The following ZNF512B variants were observed in gnomAD, a reference collection of about 807,000 sequenced individuals.
The protein encoded by ZNF512B is zinc finger protein 512B.
ZNF512B carries 22 observed loss-of-function variants against 87.8 expected under a neutral mutation model. The observed-to-expected ratio is 0.25, with a 90% CI of 0.18 to 0.36. The LOEUF (loss-of-function observed/expected upper bound fraction) is 0.36, where lower values mean the gene tolerates loss of function less well. ZNF512B is among the 10% of genes least tolerant of loss of function. ZNF512B has a pLI of 1.00. For synonymous variants in ZNF512B, 524 were observed against 490.9 expected (o/e 1.07, Z -0.89); for missense variants, 1,060 against 1,231.6 (o/e 0.86, Z 2.09).
Position 63,967,576 on chromosome 20 carries a change from C to T in ZNF512B, c.122-53G>A, listed in dbSNP as rs573696322. The T allele has an allele frequency of 7.4e-5, 113 of 1,534,728 alleles. No individual in the cohort carries two copies. In the East Asian group the frequency reaches 7.7e-4, roughly 11 times the overall value. ...GAAGCTGTGTAGCACCGCCTACCAC[C>T]GGCGGCTGCACAGGCCCACAGTGAG... is the stretch of plus-strand genomic sequence containing the variant. On this transcript the variant is annotated intron_variant, in intron 2 of 16. Transcript: ENST00000369888.
intron 6 of ZNF512B, 35 bp from the exon 7 acceptor site, chr20:63,964,426 T>G: frequency 6.2e-7 from 1 of 1,613,778 alleles, no homozygotes; most frequent in Non-Finnish European, 8.5e-7. Context: ...GCCAAGATTC[T>G]GGTGAAATAA....
Position 63,967,527 on chromosome 20 carries a change from C to T in ZNF512B, c.122-4G>A. ...CCACCACGGACCACCGGCATCCCTGCAGCACACAACACAGCAAGGCTCGGA... is the reference window on the plus strand; with the variant it reads ...CCACCACGGACCACCGGCATCCCTGTAGCACACAACACAGCAAGGCTCGGA... On this transcript the variant is annotated splice_region_variant and splice_polypyrimidine_tract_variant and intron_variant, in intron 2 of 16. Transcript: ENST00000369888. The T allele has an allele frequency of 1.3e-6, 2 of 1,593,784 alleles. No individual in the cohort carries two copies. Among genetic ancestry groups the T allele is most frequent in the Non-Finnish European group, 1.7e-6 (2 of 1,168,512 alleles).
chr20:63,967,208 G>T (rs1601487383), intron 3 of ZNF512B, among the ~76,000 whole-genome samples, 173 bp downstream of exon 3: 1 of 152,230 alleles, frequency 6.6e-6, no homozygotes, highest in Non-Finnish European at 1.5e-5. Context: ...GCGATCCCCC[G>T]AATCTCCCGG....
chr20:63,962,997 G>A, intron 12 of ZNF512B, 98 bp downstream of exon 12: 1 of 1,407,254 alleles, frequency 7.1e-7, no homozygotes. Context: ...CACACGCGTT[G>A]GGCGGTACAT....
chr20:63,964,332 A>T lies in ZNF512B; in HGVS notation c.1321T>A (p.Phe441Ile). ...TGEQPSISGT[F>I]GLKGLVKAED... ...GCTGGGGTCTTACCTTTGAGCCCAA[A>T]GGTCCCTGAGATGGATGGCTGCTCC... The change falls in exon 7 of 17, where the codon TTT (phenylalanine) becomes ATT (isoleucine). Residue 441 changes from phenylalanine to isoleucine, a missense_variant. Physicochemically the swap from Phe to Ile is conservative, Grantham distance 21 (BLOSUM62 0). This residue lies in a region of ZNF512B where 212 missense variants were observed against 207.6 expected (regional missense o/e 1.02). Coordinates refer to ENST00000369888, the MANE Select transcript of ZNF512B (RefSeq NM_020713.3). The T allele has an allele frequency of 6.2e-7, 1 of 1,613,904 alleles. No homozygotes were observed. The highest frequency in any genetic ancestry group is 2.2e-5 in the East Asian group (1 of 44,876).
intron 5 of ZNF512B, 91 bp from the exon 6 acceptor site, chr20:63,964,807 A>C: frequency 6.8e-7 from 1 of 1,461,238 alleles, no homozygotes; most frequent in Non-Finnish European, 9.1e-7. Context: ...CTGACCTGGA[A>C]CGAGCCCCCA....
In ZNF512B at chr20:63,963,197, G is replaced by C. The variant is rs979777561; in HGVS notation, c.1866C>G (p.Pro622=). 1.9e-6 allele frequency: 3 copies of C among 1,547,364 alleles called. No homozygotes were observed. The highest frequency in any genetic ancestry group is 3.9e-5 in the Admixed American group (2 of 51,622). Residue 622 remains proline (P), a synonymous_variant, in exon 12 of 17, where the codon CCC becomes CCG. Transcript: ENST00000369888. ...QYHQRRCGKP[P]CEVDSPSFPC... is the part of the protein sequence containing the mutation. ...GGAAGGAGGGGCTGTCCACCTCGCAGGGCGGCTTCCCGCAGCGCCGCTGGT... is the reference window on the plus strand; with the variant it reads ...GGAAGGAGGGGCTGTCCACCTCGCACGGCGGCTTCCCGCAGCGCCGCTGGT...
Position 63,964,558 on chromosome 20 carries a change from C to T in ZNF512B, c.1193G>A (p.Gly398Asp). ...GCCTGCAGCCTTCAGTGCCTCCATG[C>T]CCCCTGACGGCCTGCTGCCTGGCGA... ...SLSPGSRPSG[G>D]MEALKAAGPA... The change falls in exon 6 of 17, where the codon GGC (glycine) becomes GAC (aspartate). Residue 398 changes from glycine to aspartate, a missense_variant. Physicochemically the swap from Gly to Asp is moderately conservative, Grantham distance 94. Coordinates refer to ENST00000369888, the MANE Select transcript of ZNF512B (RefSeq NM_020713.3). 1.2e-6 allele frequency: 2 copies of T among 1,612,980 alleles called. No individual in the cohort carries two copies. The highest frequency in any genetic ancestry group is 1.7e-6 in the Non-Finnish European group (2 of 1,179,922).
In ZNF512B at chr20:63,961,647, T is replaced by A. The variant is rs1222450572; in HGVS notation, c.2329-240A>T. On this transcript the variant is annotated intron_variant, in intron 15 of 16. Transcript: ENST00000369888. The surrounding 1 kb of genome is among the most constrained non-coding windows in gnomAD (Gnocchi z 6.4). ...GCAGACCTTTGCCGAGCATCCCTTA[T>A]TGTAAGCCAGTGTGCCATCTGCGTG... is the stretch of plus-strand genomic sequence containing the variant. Among the ~76,000 whole-genome samples the A allele has an allele frequency of 6.6e-6, 1 of 151,954 alleles. No homozygotes were observed. The highest frequency in any genetic ancestry group is 1.5e-5 in the Non-Finnish European group (1 of 67,970).
At chr20:63,963,482 C>G in intron 10 of ZNF512B, 42 bp from the exon 11 acceptor site, 1 of 1,546,306 alleles carries the variant, frequency 6.5e-7, no homozygotes. Flanking sequence ...ACCATCGCCA[C>G]GGAGCCCTGC....
rs201418403 is a variant in ZNF512B, at chr20:63,964,399, G to A, written c.1262-8C>T. 31 of 1,613,788 alleles carry A rather than the reference G, an allele frequency of 1.9e-5. No homozygotes were observed. The highest frequency in any genetic ancestry group is 4.5e-5 in the East Asian group (2 of 44,876). On this transcript the variant is annotated splice_region_variant and splice_polypyrimidine_tract_variant and intron_variant, in intron 6 of 16. Transcript: ENST00000369888. The stretch of plus-strand genomic sequence containing the variant: ...GTGTTTTCTGTTTCCTTCCTGACTC[G>A]GGGAGAGAAAACGGGGGCCAAGATT...
chr20:63,967,975 G>A, intron 1 of ZNF512B, 23 bp from the exon 2 acceptor site: 1 of 1,589,424 alleles, frequency 6.3e-7, no homozygotes. Context: ...TAGACAATCT[G>A]TGAAGCCTGA....
At chr20:63,960,256 G>A in intron 16 of ZNF512B, 117 bp from the exon 17 acceptor site, 4 of 1,443,978 alleles carry the variant, frequency 2.8e-6, no homozygotes, top group Non-Finnish European at 3.7e-6. Context: ...ACCTGCAGCA[G>A]GGCTGGACAC....
chr20:63,964,645 G>A lies in ZNF512B; in HGVS notation c.1106C>T (p.Pro369Leu). 3.1e-6 allele frequency: 5 copies of A among 1,612,696 alleles called. No individual in the cohort carries two copies. The highest frequency in any genetic ancestry group is 4.2e-6 in the Non-Finnish European group (5 of 1,179,986). ...QARPENGEYG[P>L]SSMGQSSAFQ... ...GGCCGAGCTCTGGCCCATGGAGGAG[G>A]GGCCGTACTCCCCATTCTCTGGCCT... Residue 369 changes from proline (P) to leucine (L), a missense_variant, in exon 6 of 17, where the codon CCC becomes CTC. Physicochemically the swap from Pro to Leu is moderately conservative, Grantham distance 98. Around this residue, in one of 9 missense-constraint regions of ZNF512B, gnomAD observed 212 missense variants for 207.6 expected, o/e 1.02. Coordinates refer to ENST00000369888, the MANE Select transcript of ZNF512B (RefSeq NM_020713.3).
rs765332042 is a variant in ZNF512B, at chr20:63,960,023, G to C, written c.2544C>G (p.Pro848=). ...LAGGKKRGRK[P]KERTPEEPVA... ...CAGGCTCCTCTGGGGTCCGCTCCTT[G>C]GGCTTTCGGCCCCGCTTCTTTCCAC... The change falls in exon 17 of 17, where the codon CCC becomes CCG. Residue 848 remains proline, a synonymous_variant. Coordinates refer to ENST00000369888, the MANE Select transcript of ZNF512B (RefSeq NM_020713.3). The C allele has an allele frequency of 1.2e-6, 2 of 1,613,732 alleles. No individual in the cohort carries two copies. Among genetic ancestry groups the C allele is most frequent in the Non-Finnish European group, 1.7e-6 (2 of 1,180,026 alleles).
chr20:63,967,046 T>G, intron 3 of ZNF512B, 42 bp from the exon 4 acceptor site: 2 of 1,609,970 alleles, frequency 1.2e-6, no homozygotes, highest in Non-Finnish European at 1.7e-6. Flanking sequence ...CGCAGCCACC[T>G]GGGCCACTGC....
Position 63,962,574 on chromosome 20 carries a change from G to A in ZNF512B, c.2163+13C>T. 1.2e-6 allele frequency: 2 copies of A among 1,601,096 alleles called. No individual in the cohort carries two copies. Among genetic ancestry groups the A allele is most frequent in the African/African-American group, 1.3e-5 (1 of 74,934 alleles). On this transcript the variant is annotated intron_variant, in intron 13 of 16. Coordinates refer to ENST00000369888, the MANE Select transcript of ZNF512B (RefSeq NM_020713.3). ...CCACGGCGCTGTCCACAGCCCTGGG[G>A]GGGGCAGCTCACCCGTGCGGTCTCG...
chr20:63,966,277 T>A lies in ZNF512B; in HGVS notation c.898A>T (p.Ile300Phe). ...ACTGTCACCGGCTTGCTGACCACAA[T>A]GGGCCTGCTGACTGTCACTGGCTTG... ...VTKPVTVSRP[I>F]VVSKPVTVSR... The change falls in exon 5 of 17, where the codon ATT becomes TTT. Residue 300 changes from isoleucine to phenylalanine, a missense_variant. This residue lies in a region of ZNF512B where 201 missense variants were observed against 226.8 expected (regional missense o/e 0.89). Transcript: ENST00000369888. 6.2e-7 allele frequency: 1 copy of A among 1,612,322 alleles called. No homozygotes were observed. The highest frequency in any genetic ancestry group is 1.1e-5 in the South Asian group (1 of 90,994).
rs1335777362 is a variant in ZNF512B at position 63,967,452 on chromosome 20, C to T, written c.193G>A (p.Ala65Thr). 1.2e-6 allele frequency: 2 copies of T among 1,613,298 alleles called. No homozygotes were observed. Among genetic ancestry groups the T allele is most frequent in the African/African-American group, 2.7e-5 (2 of 74,936 alleles). Reference sequence around the variant, plus strand: ...TTCTTCCCTTCTGTCTTGTCACTGGCTGGACTTCCCGGGTCAAAGCAGAGA... The same window carrying T: ...TTCTTCCCTTCTGTCTTGTCACTGGTTGGACTTCCCGGGTCAAAGCAGAGA... The part of the protein sequence containing the change: ...APLCFDPGSP[A>T]SDKTEGKKKG... Residue 65 changes from alanine to threonine, a missense_variant, in exon 3 of 17, where the codon GCC becomes ACC. Ala to Thr is a moderately conservative substitution (Grantham distance 58). This residue lies in a region of ZNF512B where 134 missense variants were observed against 153.6 expected (regional missense o/e 0.87). Coordinates refer to ENST00000369888, the MANE Select transcript of ZNF512B (RefSeq NM_020713.3).
Sources: allele counts gnomAD v4.1 joint callset (sites outside exome capture counted in the v4.1 genomes callset), GRCh38; gene constraint gnomAD v4.1.1; regional missense constraint gnomAD v4.1.1; non-coding constraint Gnocchi (gnomAD v3.1); transcripts MANE v1.5; gene names NCBI Gene and HGNC (gene_info 2026-07-23, HGNC 2026-07-21).